Variants in OR1J2 observed in about 807,000 individuals in gnomAD.
OR1J2 encodes the protein olfactory receptor 1J2.
For missense variants in OR1J2, 304 were observed against 246.1 expected (o/e 1.24, Z -1.57); for synonymous variants, 142 against 99.7 (o/e 1.42, Z -2.52).
the OR1J2 span, chr9:122,554,160 T>C: frequency 6.2e-7 from 1 of 1,607,900 alleles, no homozygotes; most frequent in African/African-American, 1.3e-5. Flanking sequence ...ATTCTTTTTA[T>C]GATTAGACAT....
chr9:122,561,737 G>A, the OR1J2 span, among the ~76,000 whole-genome samples: 3 of 152,110 alleles, frequency 2.0e-5, no homozygotes, highest in Non-Finnish European at 4.4e-5. Flanking sequence ...TGACCTTGAG[G>A]GGCACCGACC....
chr9:122,563,746 G>A, the OR1J2 span, among the ~76,000 whole-genome samples: 1 of 152,186 alleles, frequency 6.6e-6, no homozygotes, highest in African/African-American at 2.4e-5. Flanking sequence ...ATAGTTTCAG[G>A]TCTTACAGTC....
chr9:122,502,559 C>A, the OR1J2 span, among the ~76,000 whole-genome samples: 1 of 152,168 alleles, frequency 6.6e-6, no homozygotes, highest in African/African-American at 2.4e-5. Context: ...CATGAAAACA[C>A]CAAAAAGTGT....
the OR1J2 span, among the ~76,000 whole-genome samples, chr9:122,552,056 C>T: frequency 1.5e-5 from 2 of 134,888 alleles, no homozygotes; most frequent in African/African-American, 6.0e-5. Flanking sequence ...CACACACATA[C>T]ACTCTCTCTC....
Position 122,510,960 on chromosome 9 carries a change from T to C in OR1J2, c.159T>C (p.Ser53=). The part of the protein sequence containing the change: ...LLIMLLIQLD[S]HLHTPMYFFL... ...TCATGCTGCTCATCCAGCTGGACTC[T>C]CACCTTCACACCCCCATGTACTTCT... is the stretch of plus-strand genomic sequence containing the variant. Residue 53 remains serine, a synonymous_variant, in exon 1 of 1, where the codon TCT becomes TCC. Transcript: ENST00000335302. 1.2e-6 allele frequency: 2 copies of C among 1,612,520 alleles called. No homozygotes were observed. Among genetic ancestry groups the C allele is most frequent in the Non-Finnish European group, 8.5e-7 (1 of 1,178,536 alleles).
chr9:122,465,918 A>T, the OR1J2 span, among the ~76,000 whole-genome samples: 1 of 152,214 alleles, frequency 6.6e-6, no homozygotes, highest in Non-Finnish European at 1.5e-5. Flanking sequence ...AAATTCACTG[A>T]TGATTCCTCT....
At chr9:122,574,262 C>T in the OR1J2 span, among the ~76,000 whole-genome samples, 6 of 152,016 alleles carry the variant, frequency 3.9e-5, no homozygotes, top group Admixed American at 6.6e-5. Context: ...GGATTTTGAT[C>T]GGTATTGCAT....
the OR1J2 span, among the ~76,000 whole-genome samples, chr9:122,544,415 C>CTTTTTTTTTTTTTTTTTT: frequency 1.2e-5 from 1 of 85,356 alleles, no homozygotes; most frequent in Non-Finnish European, 2.2e-5. Flanking sequence ...CCTCTTTTTT[C>CTTTTTTTTTTTTTTTTTT]TTTTTTTTTT....
the OR1J2 span, among the ~76,000 whole-genome samples, chr9:122,572,349 C>G: frequency 6.6e-6 from 1 of 152,136 alleles, no homozygotes; most frequent in African/African-American, 2.4e-5. Context: ...AAAAAGCAGT[C>G]ATTCATGAAA....
At chr9:122,504,265 G>A in the OR1J2 span, among the ~76,000 whole-genome samples, 3 of 152,160 alleles carry the variant, frequency 2.0e-5, no homozygotes, top group South Asian at 6.2e-4. Flanking sequence ...CAGAAACACT[G>A]CTTTGCAACT....
chr9:122,526,816 G>A, the OR1J2 span: 1 of 1,614,126 alleles, frequency 6.2e-7, no homozygotes, highest in East Asian at 2.2e-5. Flanking sequence ...CGAGCCATGA[G>A]GAACGTGTGA....
At chr9:122,575,455 A>G in the OR1J2 span, among the ~76,000 whole-genome samples, 3 of 152,140 alleles carry the variant, frequency 2.0e-5, no homozygotes, top group Non-Finnish European at 4.4e-5. Context: ...GAATTTGTCC[A>G]TTCATTTAGG....
the OR1J2 span, among the ~76,000 whole-genome samples, chr9:122,524,602 G>T: frequency 6.6e-6 from 1 of 152,152 alleles, no homozygotes; most frequent in African/African-American, 2.4e-5. Context: ...TGGGGCCTGT[G>T]AGAAAGAACT....
the OR1J2 span, among the ~76,000 whole-genome samples, chr9:122,530,026 A>G: frequency 1.3e-5 from 2 of 152,228 alleles, no homozygotes; most frequent in African/African-American, 4.8e-5. Flanking sequence ...AATGAATACA[A>G]ATGGCAAACA....
At chr9:122,477,123 A>G in the OR1J2 span, 76 of 1,613,858 alleles carry the variant, frequency 4.7e-5, no homozygotes, top group Non-Finnish European at 6.0e-5. Context: ...TGTTCTTGTC[A>G]TTGGTGTTGC....
chr9:122,505,940 T>A (rs1828517982), upstream of OR1J2, among the ~76,000 whole-genome samples: 1 of 152,192 alleles, frequency 6.6e-6, no homozygotes. Context: ...ATACCTAAGT[T>A]TGTCAATGAA....
the OR1J2 span, among the ~76,000 whole-genome samples, chr9:122,541,092 C>T: frequency 6.6e-6 from 1 of 152,174 alleles, no homozygotes; most frequent in Non-Finnish European, 1.5e-5. Context: ...CTTAAAAGTC[C>T]TCCTGCCTTT....
the OR1J2 span, among the ~76,000 whole-genome samples, chr9:122,574,841 T>C: frequency 9.2e-5 from 14 of 152,048 alleles, no homozygotes; most frequent in Non-Finnish European, 1.5e-4. Context: ...TGGGGGTAGT[T>C]TTTTCTTATC....
chr9:122,487,798 C>T, the OR1J2 span, among the ~76,000 whole-genome samples: 11 of 152,284 alleles, frequency 7.2e-5, no homozygotes, highest in East Asian at 2.1e-3. Context: ...CTTAATATTC[C>T]CAGTTGAAAT....
Sources: gnomAD v4.1 joint callset for allele counts (sites outside exome capture counted in the v4.1 genomes callset) on GRCh38, gnomAD v4.1.1 for gene constraint, MANE v1.5 for transcripts, NCBI Gene and HGNC (gene_info 2026-07-23, HGNC 2026-07-21) for gene names.